ANKRD33B: variants seen among roughly 807,000 people sequenced by gnomAD.
The protein encoded by ANKRD33B is ankyrin repeat domain-containing protein 33B.
Under a neutral mutation model 21.5 loss-of-function variants are expected in ANKRD33B, and 6 were observed. The ratio of observed to expected loss-of-function variants is 0.28; its 90% CI spans 0.15 to 0.55. ANKRD33B has a LOEUF of 0.55. ANKRD33B is among the 20% of genes least tolerant of loss of function. ANKRD33B has a pLI of 0.94. For synonymous variants in ANKRD33B, 347 were observed against 342.4 expected (o/e 1.01, Z -0.15); for missense variants, 698 against 747.2 (o/e 0.93, Z 0.77).
intron 1 of ANKRD33B, among the ~76,000 whole-genome samples, chr5:10,587,251 G>A (rs977396595): frequency 1.3e-5 from 2 of 150,920 alleles, no homozygotes; most frequent in Admixed American, 6.6e-5. Flanking sequence ...CTGACCTGAA[G>A]TGATCTGCCT....
intron 1 of ANKRD33B, among the ~76,000 whole-genome samples, chr5:10,589,668 C>T (rs1370689091): frequency 2.0e-5 from 3 of 152,164 alleles, no homozygotes; most frequent in Admixed American, 2.0e-4. Flanking sequence ...GTCTTATCTT[C>T]TTGAGGTCTA....
At chr5:10,566,300 T>C (rs1445517633) in intron 1 of ANKRD33B, among the ~76,000 whole-genome samples, 1 of 152,194 alleles carries the variant, frequency 6.6e-6, no homozygotes, top group Non-Finnish European at 1.5e-5. Context: ...ACAGATGCCC[T>C]GGCTGGCATG....
rs760878028 is a variant in ANKRD33B, at chr5:10,650,946, A to T, written c.*833A>T. The T allele has an allele frequency of 1.3e-5, 2 of 152,392 alleles. No homozygotes were observed. Among genetic ancestry groups the T allele is most frequent in the Non-Finnish European group, 2.9e-5 (2 of 68,044 alleles). The allele number at this position is 152,392 out of a possible 1,614,324, so 9.4% of individuals were successfully genotyped here. A position where few individuals can be genotyped will look rare whatever the true frequency, so the allele number is the denominator to read the frequency against. ...AAATAGATATGAGAAAAAAACTGTCATTCGATAAAATGAGGCAAATTTAAT... is the reference window on the plus strand; with the variant it reads ...AAATAGATATGAGAAAAAAACTGTCTTTCGATAAAATGAGGCAAATTTAAT... On this transcript the variant is annotated 3_prime_UTR_variant, in exon 4 of 4. Coordinates refer to ENST00000296657, the MANE Select transcript of ANKRD33B (RefSeq NM_001164440.2).
At chr5:10,632,108 TG>T (rs987507388) in intron 2 of ANKRD33B, among the ~76,000 whole-genome samples, 2 of 151,654 alleles carry the variant, frequency 1.3e-5, no homozygotes, top group African/African-American at 4.9e-5. Flanking sequence ...GGGGTCCCCT[TG>T]GGCAGGAGGG....
chr5:10,583,083 A>G (rs1579715689), intron 1 of ANKRD33B, among the ~76,000 whole-genome samples: 1 of 148,310 alleles, frequency 6.7e-6, no homozygotes, highest in South Asian at 2.1e-4. Context: ...TGCAACCTCC[A>G]CCTCCAGGGT....
chr5:10,582,027 G>A (rs1328559309), intron 1 of ANKRD33B, among the ~76,000 whole-genome samples: 1 of 152,226 alleles, frequency 6.6e-6, no homozygotes, highest in Admixed American at 6.5e-5. Flanking sequence ...CCAGCTCTCA[G>A]CCCTGGACCA....
In ANKRD33B at chr5:10,638,059, C is replaced by G; in HGVS notation, c.528C>G (p.Asn176Lys). Residue 176 changes from asparagine (N) to lysine (K), a missense_variant, in exon 3 of 4, where the codon AAC becomes AAG. This residue lies in a region of ANKRD33B where 543 missense variants were observed against 566.5 expected (regional missense o/e 0.96). Coordinates refer to ENST00000296657, the MANE Select transcript of ANKRD33B (RefSeq NM_001164440.2). ...GHAIITNYLL[N>K]YFPGLDLERR... Reference sequence around the variant, plus strand: ...CTATCATCACTAACTACTTGTTGAACTATTTCCCTGGTCTTGACCTTGAAA... The same window carrying G: ...CTATCATCACTAACTACTTGTTGAAGTATTTCCCTGGTCTTGACCTTGAAA... The G allele has an allele frequency of 5.9e-6, 9 of 1,537,692 alleles. No individual in the cohort carries two copies. The highest frequency in any genetic ancestry group is 7.8e-6 in the Non-Finnish European group (9 of 1,146,988).
intron 1 of ANKRD33B, among the ~76,000 whole-genome samples, chr5:10,601,420 G>A (rs532946840): frequency 9.9e-5 from 15 of 152,274 alleles, no homozygotes; most frequent in South Asian, 2.1e-4. Flanking sequence ...CTGGCGCTGC[G>A]GACCTCCCAC....
At position 10,591,194 on chromosome 5, in the gene ANKRD33B, G is replaced by GTTTTTTTTTTTTTT. The variant is rs749837253; in HGVS notation, c.366+26361_366+26362insTTTTTTTTTTTTTT. ...AATAGTCATCTACATTTTTTTTAGT[G>GTTTTTTTTTTTTTT]GTTTTTTTTTTTTTTTGAGATGGAG... On this transcript the variant is annotated intron_variant, in intron 1 of 3. Coordinates refer to ENST00000296657, the MANE Select transcript of ANKRD33B (RefSeq NM_001164440.2). 9.4e-4 allele frequency among the ~76,000 whole-genome samples: 107 copies of GTTTTTTTTTTTTTT among 113,454 alleles called. 10 individuals are homozygous for GTTTTTTTTTTTTTT. The highest frequency in any genetic ancestry group is 1.5e-3 in the South Asian group (5 of 3,282). 74.4% of individuals were successfully genotyped at this position (113,454 alleles called of 152,430 possible). A position where few individuals can be genotyped will look rare whatever the true frequency, so the allele number is the denominator to read the frequency against.
At chr5:10,571,167 G>C (rs74289253) in intron 1 of ANKRD33B, among the ~76,000 whole-genome samples, 2 of 151,898 alleles carry the variant, frequency 1.3e-5, no homozygotes, top group South Asian at 2.1e-4. Flanking sequence ...TGCTGCGTTT[G>C]GGTTTCTTGA....
Position 10,651,140 on chromosome 5 carries a change from T to G in ANKRD33B, c.*1027T>G, listed in dbSNP as rs148031138. 2 of 152,452 alleles carry G rather than the reference T, an allele frequency of 1.3e-5. No homozygotes were observed. The highest frequency in any genetic ancestry group is 4.8e-5 in the African/African-American group (2 of 41,552). The allele number at this position is 152,452 out of a possible 1,614,324, so 9.4% of individuals were successfully genotyped here. ...TTTTAGAAGAGGTGAGAGAATGGAA[T>G]GGGGAACAGACTTGTTTTCGGCAAA... On this transcript the variant is annotated 3_prime_UTR_variant, in exon 4 of 4. Transcript: ENST00000296657.
At position 10,564,579 on chromosome 5, in the gene ANKRD33B, G is replaced by T; in HGVS notation, c.112G>T (p.Glu38Ter). 6.5e-7 allele frequency: 1 copy of T among 1,534,506 alleles called. No homozygotes were observed. The highest frequency in any genetic ancestry group is 1.2e-5 in the South Asian group (1 of 83,978). Residue 38 changes from glutamate to a stop codon, truncating the protein, a stop_gained, in exon 1 of 4, where the codon GAA (glutamate) becomes TAA (stop). Transcript: ENST00000296657. LOFTEE classifies it high-confidence loss of function. Reference sequence around the variant, plus strand: ...GGTCGAGGAGGACCCCGCTGACTACGAAGAGTTTGAGGACTTCTCGAGTCT... The same window carrying T: ...GGTCGAGGAGGACCCCGCTGACTACTAAGAGTTTGAGGACTTCTCGAGTCT... ...AQVEEDPADY[E>*]EFEDFSSLPD...
chr5:10,591,219 G>A lies in ANKRD33B; in HGVS notation c.366+26386G>A, dbSNP rs1735682093. On this transcript the variant is annotated intron_variant, in intron 1 of 3. Coordinates refer to ENST00000296657, the MANE Select transcript of ANKRD33B (RefSeq NM_001164440.2). The stretch of plus-strand genomic sequence containing the variant: ...GGTTTTTTTTTTTTTTTGAGATGGA[G>A]TCTCATTCGGTTGCCCAGGCTGGAG... Among the ~76,000 whole-genome samples the A allele has an allele frequency of 4.9e-5, 3 of 60,816 alleles. 1 individual carries two copies. Among genetic ancestry groups the A allele is most frequent in the South Asian group, 9.6e-4 (2 of 2,082 alleles). The allele number at this position is 60,816 out of a possible 152,430, so 39.9% of individuals were successfully genotyped here.
intron 3 of ANKRD33B, among the ~76,000 whole-genome samples, chr5:10,641,826 G>A (rs1375423510): frequency 1.3e-5 from 2 of 151,926 alleles, no homozygotes; most frequent in Admixed American, 1.3e-4. Context: ...AATTAAAAAC[G>A]AGTCCTATCG....
chr5:10,634,683 T>G, intron 2 of ANKRD33B, among the ~76,000 whole-genome samples: 1 of 151,342 alleles, frequency 6.6e-6, no homozygotes, highest in Non-Finnish European at 1.5e-5. Context: ...CTTGAACTCC[T>G]GGCCTCAAGT....
intron 2 of ANKRD33B, among the ~76,000 whole-genome samples, chr5:10,624,536 T>G (rs1001344393): frequency 2.6e-5 from 4 of 152,148 alleles, no homozygotes; most frequent in Admixed American, 6.5e-5. Context: ...TGGGCTCTGA[T>G]CCCTGGACAC....
Position 10,647,824 on chromosome 5 carries a change from T to A in ANKRD33B, c.638-1442T>A, listed in dbSNP as rs533301186. Among the ~76,000 whole-genome samples, 17 of 152,358 alleles carry A rather than the reference T, an allele frequency of 1.1e-4. No individual in the cohort carries two copies. The South Asian group carries it at 3.5e-3, about 32-fold the overall frequency. On this transcript the variant is annotated intron_variant, in intron 3 of 3. Coordinates refer to ENST00000296657, the MANE Select transcript of ANKRD33B (RefSeq NM_001164440.2). ...GGTCTTTGCTCTTAATGCCCTCAAC[T>A]AATTGGGCGAGGCCCACCCGCATTA... is the stretch of plus-strand genomic sequence containing the variant.
intron 3 of ANKRD33B, among the ~76,000 whole-genome samples, chr5:10,639,784 C>G (rs866537474): frequency 8.2e-4 from 4 of 4,864 alleles, no homozygotes; most frequent in Non-Finnish European, 1.1e-3. Context: ...CGATGTTAGG[C>G]GGTGACGCGG....
chr5:10,643,717 G>A (rs898426052), intron 3 of ANKRD33B, among the ~76,000 whole-genome samples: 5 of 151,874 alleles, frequency 3.3e-5, no homozygotes, highest in African/African-American at 1.2e-4. Flanking sequence ...CCACTCGGGA[G>A]GCTGAGGCAA....
Sources: gnomAD v4.1 joint callset for allele counts (sites outside exome capture counted in the v4.1 genomes callset) on GRCh38, gnomAD v4.1.1 for gene constraint, gnomAD v4.1.1 regional missense constraint, MANE v1.5 for transcripts, NCBI Gene and HGNC (gene_info 2026-07-23, HGNC 2026-07-21) for gene names.